Variants in GRIA1 observed in about 807,000 individuals in gnomAD.
The protein encoded by GRIA1 is glutamate ionotropic receptor AMPA type subunit 1.
GRIA1 carries 31 observed loss-of-function variants against 99.2 expected under a neutral mutation model. That is an observed-to-expected ratio of 0.31 (90% CI 0.23 to 0.42). GRIA1 has a LOEUF of 0.42. GRIA1 is among the 10% of genes least tolerant of loss of function. The pLI is 1.00. For missense variants in GRIA1, 782 were observed against 1,157.5 expected, an observed-to-expected ratio of 0.68 and a Z score of 4.71; for synonymous variants, 438 against 432.4, an observed-to-expected ratio of 1.01 and a Z score of -0.16.
intron 2 of GRIA1, among the ~76,000 whole-genome samples, chr5:153,555,441 T>C (rs1760543045): frequency 6.6e-6 from 1 of 152,196 alleles, no homozygotes; most frequent in African/African-American, 2.4e-5. Context: ...ATCAATGTTT[T>C]ATCATTTATA....
chr5:153,739,088 C>CAA (rs34623069), intron 11 of GRIA1, among the ~76,000 whole-genome samples: 2,222 of 139,390 alleles, frequency 0.016, 48 homozygotes, highest in African/African-American at 0.049. Flanking sequence ...GGGATTTCTC[C>CAA]AAAAAAAAAA....
intron 11 of GRIA1, among the ~76,000 whole-genome samples, chr5:153,729,815 T>G (rs1760879403): frequency 1.3e-5 from 2 of 152,062 alleles, no homozygotes; most frequent in African/African-American, 4.8e-5. Flanking sequence ...TCAAATTTGT[T>G]TGAGGGCTTC....
At chr5:153,572,747 G>A (rs767535733) in intron 2 of GRIA1, among the ~76,000 whole-genome samples, 4 of 152,164 alleles carry the variant, frequency 2.6e-5, no homozygotes, top group East Asian at 1.9e-4. Context: ...GGACGACTAC[G>A]CGGTGAAGGT....
chr5:153,717,312 G>T (rs1025014449), intron 11 of GRIA1, among the ~76,000 whole-genome samples: 2 of 152,160 alleles, frequency 1.3e-5, no homozygotes, highest in African/African-American at 4.8e-5. Context: ...TGCCTTGAAA[G>T]ATGAAATAAG....
Position 153,690,963 on chromosome 5 carries a change from C to T in GRIA1, c.1134+4634C>T, listed in dbSNP as rs528244101. On this transcript the variant is annotated intron_variant, in intron 8 of 15. Coordinates refer to ENST00000285900, the MANE Select transcript of GRIA1 (RefSeq NM_000827.4). ...CTGGTTTCAGTGAGCATTACATGGCCTTACCTGATTGTGTATAGTAAAAAG... is the reference window on the plus strand; with the variant it reads ...CTGGTTTCAGTGAGCATTACATGGCTTTACCTGATTGTGTATAGTAAAAAG... 1.7e-3 allele frequency among the ~76,000 whole-genome samples: 265 copies of T among 152,150 alleles called. 2 individuals carry two copies. The highest frequency in any genetic ancestry group is 2.6e-3 in the Non-Finnish European group (178 of 68,022).
chr5:153,515,545 T>G (rs1303991520), intron 2 of GRIA1, among the ~76,000 whole-genome samples: 1 of 152,184 alleles, frequency 6.6e-6, no homozygotes, highest in Admixed American at 6.5e-5. Context: ...GGTGAGATAT[T>G]GCACAACAAA....
chr5:153,724,113 G>A (rs894971422), intron 11 of GRIA1, among the ~76,000 whole-genome samples: 13 of 152,172 alleles, frequency 8.5e-5, no homozygotes, highest in South Asian at 6.2e-4. Context: ...TGCAGCCACC[G>A]CTGCTGTTAC....
chr5:153,802,305 G>T, intron 14 of GRIA1, 51 bp from the exon 15 acceptor site: 2 of 1,577,004 alleles, frequency 1.3e-6, no homozygotes, highest in South Asian at 2.2e-5. Flanking sequence ...TTAGCCTCTT[G>T]ACTCACTTTA....
At chr5:153,523,628 G>T (rs1406436276) in intron 2 of GRIA1, among the ~76,000 whole-genome samples, 5 of 152,098 alleles carry the variant, frequency 3.3e-5, no homozygotes, top group African/African-American at 1.2e-4. Context: ...GACACCCTGT[G>T]CAGGTCAGCC....
At chr5:153,788,155 TC>T (rs1335735881) in intron 13 of GRIA1, among the ~76,000 whole-genome samples, 3 of 151,848 alleles carry the variant, frequency 2.0e-5, no homozygotes, top group African/African-American at 7.3e-5. Context: ...CTTTTTAGTC[TC>T]TCTCATCTCC....
chr5:153,740,966 C>CTTTTTT (rs10601141), intron 11 of GRIA1, among the ~76,000 whole-genome samples: 23 of 76,820 alleles, frequency 3.0e-4, no homozygotes, highest in Non-Finnish European at 4.2e-4. Flanking sequence ...AAGAAATTGG[C>CTTTTTT]TTTTTTTTTT....
At chr5:153,759,154 C>T (rs924026782) in intron 11 of GRIA1, among the ~76,000 whole-genome samples, 10 of 145,950 alleles carry the variant, frequency 6.9e-5, no homozygotes, top group African/African-American at 2.5e-4. Flanking sequence ...TAGCATTGAA[C>T]TTCAAAGACC....
intron 2 of GRIA1, among the ~76,000 whole-genome samples, chr5:153,583,768 T>C (rs1763239653): frequency 1.3e-5 from 2 of 152,186 alleles, no homozygotes; most frequent in South Asian, 4.1e-4. Flanking sequence ...GTGATTGTGT[T>C]GAGACACATT....
chr5:153,638,169 A>G (rs1181167729), intron 2 of GRIA1, among the ~76,000 whole-genome samples: 1 of 152,156 alleles, frequency 6.6e-6, no homozygotes, highest in Non-Finnish European at 1.5e-5. Flanking sequence ...CATTATGGGA[A>G]CCCTTCAAAG....
At chr5:153,611,717 C>CA (rs966655066) in intron 2 of GRIA1, among the ~76,000 whole-genome samples, 1 of 152,182 alleles carries the variant, frequency 6.6e-6, no homozygotes, top group Non-Finnish European at 1.5e-5. Context: ...CCTTCTCTTT[C>CA]AAAAAACAAA....
At chr5:153,698,804 G>T in intron 9 of GRIA1, 63 bp from the exon 10 acceptor site, 1 of 1,068,064 alleles carries the variant, frequency 9.4e-7, no homozygotes, top group Non-Finnish European at 1.5e-6. Context: ...CTATGCCAAA[G>T]TCCTCCCTAC....
rs756053811 is a variant in GRIA1, at chr5:153,650,337, C to T, written c.468C>T (p.Ser156=). ...TACTCATCTGAACTTTAGGCTTATC[C>T]GTCCTGCAGAAAGTCCTGGATACAG... is the stretch of plus-strand genomic sequence containing the variant. ...VYIYDADRGL[S]VLQKVLDTAA... Residue 156 remains serine (S), a synonymous_variant, in exon 4 of 16, where the codon TCC becomes TCT. Coordinates refer to ENST00000285900, the MANE Select transcript of GRIA1 (RefSeq NM_000827.4). 5.1e-5 allele frequency: 83 copies of T among 1,613,260 alleles called. 1 individual carries two copies. In the East Asian group the frequency reaches 1.5e-3, roughly 30 times the overall value.
chr5:153,804,111 T>C (rs1348662894), intron 15 of GRIA1, among the ~76,000 whole-genome samples: 1 of 152,128 alleles, frequency 6.6e-6, no homozygotes, highest in Non-Finnish European at 1.5e-5. Context: ...TTCTGTTTCA[T>C]AGAGCCCATT....
intron 2 of GRIA1, among the ~76,000 whole-genome samples, chr5:153,601,242 A>C (rs1764929550): frequency 6.6e-6 from 1 of 152,226 alleles, no homozygotes; most frequent in Non-Finnish European, 1.5e-5. Context: ...AAAACCTCAA[A>C]GAGTTTGGAA....
Sources: gnomAD v4.1 joint callset for allele counts (sites outside exome capture counted in the v4.1 genomes callset) on GRCh38, gnomAD v4.1.1 for gene constraint, MANE v1.5 for transcripts, NCBI Gene and HGNC (gene_info 2026-07-23, HGNC 2026-07-21) for gene names.